The following DHX38 variants were observed in gnomAD, a reference collection of about 807,000 sequenced individuals.
The protein encoded by DHX38 is DEAH-box helicase 38, also known as pre-mRNA-splicing factor ATP-dependent RNA helicase PRP16.
In DHX38, 100 loss-of-function variants were observed where a neutral mutation model predicts 153.1. The ratio of observed to expected loss-of-function variants is 0.65; its 90% CI spans 0.56 to 0.77. The LOEUF is 0.77. Ranked by LOEUF, DHX38 falls within the 30% of genes least tolerant of loss-of-function variation. The pLI is 0.00. For missense variants in DHX38, 1,440 were observed against 1,654.0 expected, an observed-to-expected ratio of 0.87 and a Z score of 2.24; for synonymous variants, 650 against 631.7, an observed-to-expected ratio of 1.03 and a Z score of -0.43.
Position 72,108,307 on chromosome 16 carries a change from C to T in DHX38, c.3045C>T (p.Tyr1015=), listed in dbSNP as rs772595012. 10 of 1,614,028 alleles carry T rather than the reference C, an allele frequency of 6.2e-6. No individual in the cohort carries two copies. Among genetic ancestry groups the T allele is most frequent in the Non-Finnish European group, 8.5e-6 (10 of 1,180,036 alleles). ...ESDHLTYLNV[Y]LQWKNNNYST... ...ATCATTTGACCTACCTGAATGTTTACCTGCAGTGGAAGAACAATAATTACT... is the reference window on the plus strand; with the variant it reads ...ATCATTTGACCTACCTGAATGTTTATCTGCAGTGGAAGAACAATAATTACT... Residue 1015 remains tyrosine (Y), a synonymous_variant, in exon 22 of 27, where the codon TAC becomes TAT. Transcript: ENST00000268482.
In DHX38 at chr16:72,110,997, G is replaced by A; in HGVS notation, c.3519G>A (p.Glu1173=). The A allele has an allele frequency of 6.3e-7, 1 of 1,587,924 alleles. No homozygotes were observed. Among genetic ancestry groups the A allele is most frequent in the Non-Finnish European group, 8.6e-7 (1 of 1,166,914 alleles). Residue 1173 remains glutamate, a synonymous_variant, in exon 26 of 27, where the codon GAG becomes GAA. Transcript: ENST00000268482. ...CCAAAGAGGAAGCCTCTGCCATGGA[G>A]GAGGAGATGGCGCTGGCCGAGGAGC... ...RRAKEEASAM[E]EEMALAEEQL...
At chr16:72,103,258 C>G (rs775545036) in intron 12 of DHX38, 47 bp downstream of exon 12, 30 of 1,593,636 alleles carry the variant, frequency 1.9e-5, no homozygotes, top group Non-Finnish European at 2.6e-5. Context: ...TCAGGGGTGC[C>G]CTTGGTCTCC....
intron 24 of DHX38, 83 bp from the exon 25 acceptor site, chr16:72,109,332 C>A: frequency 6.8e-7 from 1 of 1,467,184 alleles, no homozygotes; most frequent in South Asian, 1.2e-5. Context: ...GGGCCCTTCC[C>A]ATGTGGCTCC....
Position 72,104,167 on chromosome 16 carries a change from G to T in DHX38, c.2010+36G>T. ...TGTGGTTTGGTCTCTCTGCGCATGGGGTGTTGACCAGTGCACCACCAGTAG... is the reference window on the plus strand; with the variant it reads ...TGTGGTTTGGTCTCTCTGCGCATGGTGTGTTGACCAGTGCACCACCAGTAG... On this transcript the variant is annotated intron_variant, in intron 14 of 26. Coordinates refer to ENST00000268482, the MANE Select transcript of DHX38 (RefSeq NM_014003.4). This position sits in a 1 kb window ranked among gnomAD's most constrained non-coding sequence, Gnocchi z 4.5. 1.2e-6 allele frequency: 2 copies of T among 1,602,400 alleles called. No individual in the cohort carries two copies. Among genetic ancestry groups the T allele is most frequent in the South Asian group, 1.1e-5 (1 of 90,526 alleles).
At position 72,096,879 on chromosome 16, in the gene DHX38, G is replaced by A. The variant is rs775991107; in HGVS notation, c.381G>A (p.Glu127=). The change falls in exon 3 of 27, where the codon GAG becomes GAA. Residue 127 remains glutamate (E), a synonymous_variant. Transcript: ENST00000268482. ...CCCATCCGGGTGGTGTGAGCGAAGA[G>A]TTTTGGGAACGCAGTCGGCAGAGAG... ...TPSHPGGVSE[E]FWERSRQRER... is the part of the protein sequence containing the mutation. The A allele has an allele frequency of 1.2e-6, 2 of 1,614,038 alleles. No individual in the cohort carries two copies. Among genetic ancestry groups the A allele is most frequent in the South Asian group, 2.2e-5 (2 of 91,068 alleles).
chr16:72,103,904 AG>A, intron 13 of DHX38, 41 bp from the exon 14 acceptor site: 1 of 1,609,238 alleles, frequency 6.2e-7, no homozygotes, highest in South Asian at 1.1e-5. Flanking sequence ...GCTGGTGGTG[AG>A]CCGGTGGCCA....
In DHX38 at chr16:72,108,611, A is replaced by C; in HGVS notation, c.3255+4A>C. On this transcript the variant is annotated splice_donor_region_variant and intron_variant, in intron 23 of 26. Coordinates refer to ENST00000268482, the MANE Select transcript of DHX38 (RefSeq NM_014003.4). ...CCACCAAGCAGCCAAGCTCAAGGTG[A>C]ACCCAGGAGCCCAGTGAGCCCCTCC... is the stretch of plus-strand genomic sequence containing the variant. The C allele has an allele frequency of 6.2e-7, 1 of 1,613,290 alleles. No individual in the cohort carries two copies. The highest frequency in any genetic ancestry group is 8.5e-7 in the Non-Finnish European group (1 of 1,179,494).
chr16:72,103,249 C>T, intron 12 of DHX38, 38 bp downstream of exon 12: 1 of 1,600,500 alleles, frequency 6.2e-7, no homozygotes, highest in Non-Finnish European at 8.5e-7. Context: ...AGTGTCAAGT[C>T]AGGGGTGCCC....
intron 10 of DHX38, 103 bp downstream of exon 10, chr16:72,101,296 C>G: frequency 7.5e-7 from 1 of 1,338,706 alleles, no homozygotes. Flanking sequence ...TAGGAGTCCC[C>G]TCTATCAAGT....
At position 72,112,490 on chromosome 16, in the gene DHX38, G is replaced by T; in HGVS notation, c.3677G>T (p.Gly1226Val). 6.2e-7 allele frequency: 1 copy of T among 1,612,214 alleles called. No homozygotes were observed. The highest frequency in any genetic ancestry group is 8.5e-7 in the Non-Finnish European group (1 of 1,180,032). The change falls in exon 27 of 27, where the codon GGT (glycine) becomes GTT (valine). Residue 1226 changes from glycine (G) to valine (V), a missense_variant. This residue lies in a region of DHX38 where 75 missense variants were observed against 69.5 expected (regional missense o/e 1.08). Coordinates refer to ENST00000268482, the MANE Select transcript of DHX38 (RefSeq NM_014003.4). ...MTPRRTPARF[G>V]L is the part of the protein sequence containing the mutation. Reference sequence around the variant, plus strand: ...CCTCGCCGCACGCCAGCCCGCTTTGGTCTGTGAGCTGAGGCTGTCCCCAGA... The same window carrying T: ...CCTCGCCGCACGCCAGCCCGCTTTGTTCTGTGAGCTGAGGCTGTCCCCAGA...
chr16:72,105,104 C>T lies in DHX38; in HGVS notation c.2229C>T (p.Ile743=). The T allele has an allele frequency of 6.2e-7, 1 of 1,614,222 alleles. No homozygotes were observed. Among genetic ancestry groups the T allele is most frequent in the Admixed American group, 1.7e-5 (1 of 60,030 alleles). The change falls in exon 16 of 27, where the codon ATC becomes ATT. Residue 743 remains isoleucine (I), a synonymous_variant. Coordinates refer to ENST00000268482, the MANE Select transcript of DHX38 (RefSeq NM_014003.4). ...ACCTGTCGGGGGCCCCTGGAGACAT[C>T]CTTATCTTCATGCCTGGCCAAGAGG... ...QVHLSGAPGD[I]LIFMPGQEDI...
intron 21 of DHX38, 88 bp from the exon 22 acceptor site, chr16:72,108,139 G>T (rs36033103): frequency 0.087 from 124,670 of 1,431,464 alleles, 6,203 homozygotes; most frequent in Middle Eastern, 0.1. Context: ...CTATGTGTGG[G>T]TAGGTGGTAG....
chr16:72,103,344 T>C, intron 12 of DHX38, 133 bp downstream of exon 12: 1 of 1,268,548 alleles, frequency 7.9e-7, no homozygotes, highest in Non-Finnish European at 1.1e-6. Context: ...TCCTCTGACC[T>C]CATGCCTGGG....
chr16:72,112,013 G>T (rs1254860377), intron 26 of DHX38: 2 of 213,504 alleles, frequency 9.4e-6, no homozygotes, highest in Admixed American at 5.0e-5. Context: ...TCAAACGAGG[G>T]CTGAGGGGCC....
intron 12 of DHX38, 125 bp from the exon 13 acceptor site, chr16:72,103,477 C>A: frequency 8.9e-7 from 1 of 1,126,318 alleles, no homozygotes; most frequent in Non-Finnish European, 1.3e-6. Context: ...TGAAATTCTC[C>A]CTTCTAAACC....
rs192118410 is a variant in DHX38, at chr16:72,096,322, T to G, written c.165T>G (p.Ala55=). The G allele has an allele frequency of 2.5e-6, 4 of 1,614,210 alleles. No homozygotes were observed. Among genetic ancestry groups the G allele is most frequent in the African/African-American group, 2.7e-5 (2 of 75,058 alleles). ...CATTACTCGGACTGGACTTGCTGGC[T>G]TCCCTGAAACGGAGAGAGCGAGAGG... ...RPSLLGLDLL[A]SLKRREREEK... The change falls in exon 2 of 27, where the codon GCT becomes GCG. Residue 55 remains alanine, a synonymous_variant. Coordinates refer to ENST00000268482, the MANE Select transcript of DHX38 (RefSeq NM_014003.4).
chr16:72,099,099 A>G, intron 6 of DHX38, 54 bp downstream of exon 6: 1 of 1,606,316 alleles, frequency 6.2e-7, no homozygotes, highest in East Asian at 2.2e-5. Flanking sequence ...CCTAGCGAGG[A>G]TGAGCAGGGG....
At chr16:72,105,900 C>A in intron 18 of DHX38, 105 bp from the exon 19 acceptor site, 1 of 1,040,534 alleles carries the variant, frequency 9.6e-7, no homozygotes, top group Non-Finnish European at 1.5e-6. Context: ...AGCCTCCTGG[C>A]TCTTCCTCTG....
chr16:72,106,510 G>A (rs992245967), intron 19 of DHX38, among the ~76,000 whole-genome samples: 8 of 150,818 alleles, frequency 5.3e-5, no homozygotes, highest in African/African-American at 1.7e-4. Flanking sequence ...GTGTGGTGGT[G>A]CAATCACAGC....
Sources: allele counts gnomAD v4.1 joint callset (sites outside exome capture counted in the v4.1 genomes callset), GRCh38; gene constraint gnomAD v4.1.1; regional missense constraint gnomAD v4.1.1; non-coding constraint Gnocchi (gnomAD v3.1); transcripts MANE v1.5; gene names NCBI Gene and HGNC (gene_info 2026-07-23, HGNC 2026-07-21).